The following RBFOX1 variants were observed in gnomAD, a reference collection of about 807,000 sequenced individuals.
The protein encoded by RBFOX1 is RNA binding fox-1 homolog 1, also known as RNA binding protein fox-1 homolog 1.
In RBFOX1, 8 loss-of-function variants were observed where a neutral mutation model predicts 57.7. That is an observed-to-expected ratio of 0.14 (90% CI 0.08 to 0.25). RBFOX1 has a LOEUF of 0.25. RBFOX1 is among the 10% of genes least tolerant of loss of function. RBFOX1 has a pLI of 1.00. For synonymous variants in RBFOX1, 326 were observed against 222.4 expected, an observed-to-expected ratio of 1.47 and a Z score of -4.15; for missense variants, 611 against 548.5, an observed-to-expected ratio of 1.11 and a Z score of -1.14.
At chr16:6,069,820 C>G (rs1031282405) in intron 1 of RBFOX1, among the ~76,000 whole-genome samples, 1 of 152,016 alleles carries the variant, frequency 6.6e-6, no homozygotes, top group Non-Finnish European at 1.5e-5. Context: ...AACCCCATCT[C>G]TACTAAAAAT....
chr16:7,462,599 C>G (rs1332828175), intron 4 of RBFOX1, among the ~76,000 whole-genome samples: 3 of 152,224 alleles, frequency 2.0e-5, no homozygotes, highest in Admixed American at 6.5e-5. Flanking sequence ...TTTAGAGATT[C>G]ACAAGACGGA....
At chr16:6,870,153 A>C (rs1434635745) in intron 3 of RBFOX1, among the ~76,000 whole-genome samples, 1 of 152,130 alleles carries the variant, frequency 6.6e-6, no homozygotes, top group Non-Finnish European at 1.5e-5. Context: ...TTTTCACAGG[A>C]TGGTGATGAA....
intron 3 of RBFOX1, among the ~76,000 whole-genome samples, chr16:7,024,714 T>C (rs888166812): frequency 6.6e-6 from 1 of 152,186 alleles, no homozygotes; most frequent in Admixed American, 6.5e-5. Flanking sequence ...TCCTCAGCAC[T>C]CTGTCCTGCT....
intron 2 of RBFOX1, among the ~76,000 whole-genome samples, chr16:6,607,462 C>A (rs116193231): frequency 0.012 from 1,835 of 148,298 alleles, 52 homozygotes; most frequent in African/African-American, 0.043. Flanking sequence ...TCCTCTCTCT[C>A]TTCCTCCTCT....
rs144784693 is a variant in RBFOX1 at position 5,492,260 on chromosome 16, C to T, written c.258+25006C>T. ...TGCTGATGAGAGGAAACCCACAGGT[C>T]ACAGGTACCTGTTTTTCCCAATTCT... On this transcript the variant is annotated intron_variant, in intron 2 of 2. Coordinates refer to the RBFOX1 transcript ENST00000585867. Among the ~76,000 whole-genome samples, 418 of 152,298 alleles carry T rather than the reference C, an allele frequency of 2.7e-3. 6 individuals are homozygous for T. Among genetic ancestry groups the T allele is most frequent in the African/African-American group, 9.6e-3 (400 of 41,552 alleles).
intron 3 of RBFOX1, among the ~76,000 whole-genome samples, chr16:5,742,320 C>T (rs1258730205): frequency 6.6e-6 from 1 of 150,642 alleles, no homozygotes; most frequent in Non-Finnish European, 1.5e-5. Flanking sequence ...CCCTCCCTCC[C>T]TTCCTCCCTT....
chr16:5,523,181 G>A (rs1410896313), intron 2 of RBFOX1, among the ~76,000 whole-genome samples: 1 of 152,168 alleles, frequency 6.6e-6, no homozygotes, highest in Non-Finnish European at 1.5e-5. Context: ...AGCTACTCGG[G>A]AGGCTGAGGC....
chr16:5,265,069 A>T (rs2062825635), intron 1 of RBFOX1, among the ~76,000 whole-genome samples: 1 of 152,158 alleles, frequency 6.6e-6, no homozygotes, highest in Non-Finnish European at 1.5e-5. Context: ...AGAAAAAAAA[A>T]TAGCAACCTT....
At chr16:5,506,349 C>T (rs2043378808) in intron 2 of RBFOX1, among the ~76,000 whole-genome samples, 1 of 152,214 alleles carries the variant, frequency 6.6e-6, no homozygotes, top group African/African-American at 2.4e-5. Context: ...AGGTCGTCCT[C>T]TGTCCTTTCT....
At chr16:5,326,540 C>G (rs1234453742) in intron 1 of RBFOX1, among the ~76,000 whole-genome samples, 1 of 152,142 alleles carries the variant, frequency 6.6e-6, no homozygotes, top group Non-Finnish European at 1.5e-5. Flanking sequence ...TGCCCTGGTA[C>G]GATGCACTCC....
At chr16:6,987,454 CAG>C (rs1471736488) in intron 3 of RBFOX1, among the ~76,000 whole-genome samples, 1 of 103,454 alleles carries the variant, frequency 9.7e-6, no homozygotes, top group Non-Finnish European at 1.9e-5. Context: ...GAAAACTTTT[CAG>C]ACACACACAC....
intron 2 of RBFOX1, among the ~76,000 whole-genome samples, chr16:6,494,866 G>C (rs77890565): frequency 0.033 from 4,960 of 152,224 alleles, 241 homozygotes; most frequent in African/African-American, 0.1. Flanking sequence ...GCAGAGAATA[G>C]CCAGCATTTA....
At chr16:7,426,251 C>G (rs2098610262) in intron 4 of RBFOX1, among the ~76,000 whole-genome samples, 1 of 152,118 alleles carries the variant, frequency 6.6e-6, no homozygotes. Flanking sequence ...CTTTTTTCTG[C>G]TTGACAGTGA....
At chr16:7,510,653 T>A (rs1313265512) in intron 4 of RBFOX1, among the ~76,000 whole-genome samples, 2 of 152,234 alleles carry the variant, frequency 1.3e-5, no homozygotes, top group Admixed American at 1.3e-4. Flanking sequence ...TTTAGCTCAA[T>A]TCACTTCTGC....
Position 6,723,096 on chromosome 16 carries a change from C to T in RBFOX1, c.-16+68446C>T, listed in dbSNP as rs772178412. On this transcript the variant is annotated intron_variant, in intron 3 of 15. Transcript: ENST00000550418. ...AATGTCCCATGAGTGGTGATGTGGACACCAGAGTTTTCACAACGTGTTTGT... is the reference window on the plus strand; with the variant it reads ...AATGTCCCATGAGTGGTGATGTGGATACCAGAGTTTTCACAACGTGTTTGT... Among the ~76,000 whole-genome samples, 8 of 152,182 alleles carry T rather than the reference C, an allele frequency of 5.3e-5. No individual in the cohort carries two copies. In the South Asian group the frequency reaches 1.0e-3, roughly 20 times the overall value.
chr16:6,489,239 C>G (rs1022249704), intron 2 of RBFOX1, among the ~76,000 whole-genome samples: 1 of 152,182 alleles, frequency 6.6e-6, no homozygotes, highest in Non-Finnish European at 1.5e-5. Flanking sequence ...ATTCTAACAA[C>G]CTTCCCATAT....
At position 6,019,789 on chromosome 16, in the gene RBFOX1, G is replaced by T; in HGVS notation, c.-330G>T. 1 of 1,473,536 alleles carries T rather than the reference G, an allele frequency of 6.8e-7. No homozygotes were observed. The highest frequency in any genetic ancestry group is 2.6e-5 in the East Asian group (1 of 38,872). 91.3% of individuals were successfully genotyped at this position (1,473,536 alleles called of 1,614,324 possible). ...CCAGTGGCCGCCAGGGTCCCCGCCTGTCCGGACCCTCGCCGCGCCCAGGCA... is the reference window on the plus strand; with the variant it reads ...CCAGTGGCCGCCAGGGTCCCCGCCTTTCCGGACCCTCGCCGCGCCCAGGCA... On this transcript the variant is annotated 5_prime_UTR_variant, in exon 1 of 16. Transcript: ENST00000550418. This position sits in a 1 kb window ranked among gnomAD's most constrained non-coding sequence, Gnocchi z 4.2.
chr16:7,051,386 A>G (rs571129027), intron 3 of RBFOX1, among the ~76,000 whole-genome samples: 1 of 152,358 alleles, frequency 6.6e-6, no homozygotes, highest in South Asian at 2.1e-4. Context: ...GCGTCCTTGG[A>G]CATTAAGTAA....
At chr16:7,448,925 C>CTTTTTTTTTTTT (rs1491185704) in intron 4 of RBFOX1, among the ~76,000 whole-genome samples, 1 of 28,778 alleles carries the variant, frequency 3.5e-5, no homozygotes, top group Admixed American at 4.8e-4. Flanking sequence ...TTTCTTTCCC[C>CTTTTTTTTTTTT]TGTTTTTTTT....
Sources: allele counts gnomAD v4.1 joint callset (sites outside exome capture counted in the v4.1 genomes callset), GRCh38; gene constraint gnomAD v4.1.1; non-coding constraint Gnocchi (gnomAD v3.1); transcripts MANE v1.5; gene names NCBI Gene and HGNC (gene_info 2026-07-23, HGNC 2026-07-21).